The following EIF4G3 variants were observed in gnomAD, a reference collection of about 807,000 sequenced individuals.
EIF4G3 encodes eukaryotic translation initiation factor 4 gamma 3, also known as eIF-4-gamma 3.
Under a neutral mutation model 186.4 loss-of-function variants are expected in EIF4G3, and 34 were observed. The ratio of observed to expected loss-of-function variants is 0.18; its 90% CI spans 0.14 to 0.24. EIF4G3 has a LOEUF of 0.24. Ranked by LOEUF, EIF4G3 falls within the 10% of genes least tolerant of loss-of-function variation. EIF4G3 has a pLI of 1.00. For synonymous variants in EIF4G3, 673 were observed against 679.5 expected (o/e 0.99, Z 0.15); for missense variants, 1,536 against 1,948.5 (o/e 0.79, Z 3.99).
intron 24 of EIF4G3, among the ~76,000 whole-genome samples, chr1:20,859,585 T>C (rs1484054559): frequency 1.3e-5 from 2 of 152,162 alleles, no homozygotes; most frequent in Non-Finnish European, 2.9e-5. Context: ...TTCACTTTTT[T>C]TGCATGTCTC....
intron 19 of EIF4G3, among the ~76,000 whole-genome samples, chr1:20,884,609 TGA>T (rs1159343543): frequency 6.6e-6 from 1 of 152,108 alleles, no homozygotes; most frequent in Non-Finnish European, 1.5e-5. Flanking sequence ...CAAAAAAGGT[TGA>T]GATATGTTGA....
intron 2 of EIF4G3, among the ~76,000 whole-genome samples, chr1:21,123,981 C>T (rs1471790072): frequency 1.3e-5 from 2 of 152,084 alleles, no homozygotes; most frequent in Non-Finnish European, 2.9e-5. Context: ...TTAAACATTA[C>T]GTATCTCTTC....
In EIF4G3 at chr1:20,895,516, A is replaced by G. The variant is rs756976572; in HGVS notation, c.2000-15T>C. 6 of 1,613,100 alleles carry G rather than the reference A, an allele frequency of 3.7e-6. No individual in the cohort carries two copies. Among genetic ancestry groups the G allele is most frequent in the Non-Finnish European group, 4.2e-6 (5 of 1,179,396 alleles). On this transcript the variant is annotated splice_polypyrimidine_tract_variant and intron_variant, in intron 16 of 36. Coordinates refer to ENST00000602326, the MANE Select transcript of EIF4G3 (RefSeq NM_001391906.1). ...CTTCCAGGATTCTAGAAAGAGGAAT[A>G]TAGGCAGACACTGTTTGTAGGGCAT...
intron 19 of EIF4G3, among the ~76,000 whole-genome samples, chr1:20,881,407 T>C (rs1029492854): frequency 1.3e-5 from 2 of 152,182 alleles, no homozygotes; most frequent in African/African-American, 4.8e-5. Context: ...AAAAGTGTTG[T>C]TTTCTTGGGT....
In EIF4G3 at chr1:21,029,061, G is replaced by A. The variant is rs141400113; in HGVS notation, c.-67+21805C>T. Among the ~76,000 whole-genome samples the A allele has an allele frequency of 4.4e-4, 66 of 151,640 alleles. 1 individual carries two copies. Among genetic ancestry groups the A allele is most frequent in the African/African-American group, 1.4e-3 (57 of 41,320 alleles). On this transcript the variant is annotated intron_variant, in intron 4 of 36. Transcript: ENST00000602326. ...ATGCGCCTGGCCCAAACAAAGTCTC[G>A]CTCTGGGGTACAGTGGCGTGATCCC...
chr1:21,038,576 G>A (rs751842658), intron 4 of EIF4G3, among the ~76,000 whole-genome samples: 1 of 151,890 alleles, frequency 6.6e-6, no homozygotes, highest in Non-Finnish European at 1.5e-5. Context: ...TTTGTCACAC[G>A]AGACCACTAG....
At chr1:21,007,531 A>AAAAAC (rs1557470161) in intron 4 of EIF4G3, among the ~76,000 whole-genome samples, 17 of 143,930 alleles carry the variant, frequency 1.2e-4, no homozygotes, top group East Asian at 6.2e-4. Flanking sequence ...AAAAAAAAAA[A>AAAAAC]AAAAAACACA....
At chr1:20,976,806 G>A (rs953665245) in intron 10 of EIF4G3, among the ~76,000 whole-genome samples, 2 of 152,188 alleles carry the variant, frequency 1.3e-5, no homozygotes, top group Admixed American at 1.3e-4. Context: ...GGAAGGCCAA[G>A]GCAGGCAGAA....
chr1:20,884,339 T>C (rs1452663920), intron 19 of EIF4G3, among the ~76,000 whole-genome samples: 1 of 152,214 alleles, frequency 6.6e-6, no homozygotes, highest in Non-Finnish European at 1.5e-5. Flanking sequence ...ATTTAGTATC[T>C]TTCATGACGC....
chr1:20,833,842 A>G (rs901883209), intron 30 of EIF4G3, among the ~76,000 whole-genome samples: 5 of 152,220 alleles, frequency 3.3e-5, no homozygotes, highest in African/African-American at 9.6e-5. Flanking sequence ...CACAGCCAAT[A>G]TCATACTGAA....
At position 20,960,793 on chromosome 1, in the gene EIF4G3, G is replaced by T. The variant is rs376410933; in HGVS notation, c.714+8681C>A. ...ATGAAACAGAAAATTTAACAATTCC[G>T]TATGACAGAAGGCACGATTAACAAA... On this transcript the variant is annotated intron_variant, in intron 12 of 36. Transcript: ENST00000602326. 2.3e-4 allele frequency among the ~76,000 whole-genome samples: 35 copies of T among 152,042 alleles called. 3 individuals carry two copies. Among genetic ancestry groups the T allele is most frequent in the African/African-American group, 6.3e-4 (26 of 41,488 alleles).
At chr1:20,958,834 T>A (rs752749455) in intron 12 of EIF4G3, among the ~76,000 whole-genome samples, 9 of 152,050 alleles carry the variant, frequency 5.9e-5, no homozygotes, top group Non-Finnish European at 1.3e-4. Context: ...CCTAGGAATA[T>A]ACTTAACTAA....
chr1:20,845,434 G>A (rs1464049112), intron 29 of EIF4G3, among the ~76,000 whole-genome samples: 5 of 152,154 alleles, frequency 3.3e-5, no homozygotes, highest in Admixed American at 1.3e-4. Context: ...AGGCCAAGGA[G>A]GGCGGATCAC....
chr1:21,028,136 T>C (rs777788552), intron 4 of EIF4G3, among the ~76,000 whole-genome samples: 4 of 151,760 alleles, frequency 2.6e-5, no homozygotes, highest in Non-Finnish European at 5.9e-5. Context: ...AAGGGAGGGG[T>C]CAAAGGGAAG....
intron 20 of EIF4G3, among the ~76,000 whole-genome samples, chr1:20,878,673 C>A (rs1268447916): frequency 6.6e-6 from 1 of 152,124 alleles, no homozygotes; most frequent in Non-Finnish European, 1.5e-5. Flanking sequence ...ACATTTCTGA[C>A]ACAAGTACCT....
intron 7 of EIF4G3, among the ~76,000 whole-genome samples, chr1:20,986,727 C>A (rs1201412916): frequency 2.8e-5 from 3 of 108,506 alleles, no homozygotes; most frequent in African/African-American, 1.1e-4. Context: ...CCAGCCTGGG[C>A]GACAGAGCTC....
chr1:21,144,690 G>A (rs1159498539), intron 2 of EIF4G3, among the ~76,000 whole-genome samples: 1 of 152,060 alleles, frequency 6.6e-6, no homozygotes, highest in East Asian at 1.9e-4. Context: ...TTTGTCTCAG[G>A]TCATAAAGTA....
intron 4 of EIF4G3, among the ~76,000 whole-genome samples, chr1:21,041,825 A>C (rs2093600447): frequency 6.6e-6 from 1 of 152,180 alleles, no homozygotes; most frequent in African/African-American, 2.4e-5. Context: ...CACAGAGAAA[A>C]GGGTCCATCA....
chr1:21,095,460 T>A (rs1314808156), intron 2 of EIF4G3, among the ~76,000 whole-genome samples: 2 of 152,104 alleles, frequency 1.3e-5, no homozygotes, highest in Non-Finnish European at 2.9e-5. Context: ...TACAGGTGTG[T>A]ACCATCGTGC....
Sources: gnomAD v4.1 joint callset for allele counts (sites outside exome capture counted in the v4.1 genomes callset) on GRCh38, gnomAD v4.1.1 for gene constraint, MANE v1.5 for transcripts, NCBI Gene and HGNC (gene_info 2026-07-23, HGNC 2026-07-21) for gene names.